Variants in PROM1 observed in about 807,000 individuals in gnomAD.
PROM1 encodes the protein prominin 1.
PROM1 carries 105 observed loss-of-function variants against 116.9 expected under a neutral mutation model. The ratio of observed to expected loss-of-function variants is 0.90; its 90% CI spans 0.77 to 1.06. The LOEUF (loss-of-function observed/expected upper bound fraction) is 1.06, where lower values mean the gene tolerates loss of function less well. Among genes scored for constraint, PROM1 ranks in the 50% least tolerant of loss-of-function variants. The pLI, the probability that PROM1 is intolerant of heterozygous loss-of-function variation, is 0.00. For synonymous variants in PROM1, 393 were observed against 387.0 expected, an observed-to-expected ratio of 1.02 and a Z score of -0.18; for missense variants, 1,122 against 1,045.2, an observed-to-expected ratio of 1.07 and a Z score of -1.01.
At chr4:15,997,993 T>G (rs1292946564) in intron 15 of PROM1, among the ~76,000 whole-genome samples, 4 of 152,348 alleles carry the variant, frequency 2.6e-5, no homozygotes, top group Non-Finnish European at 5.9e-5. Context: ...GCTCTCCAAC[T>G]GCATTGCCTT....
At chr4:15,971,356 AAG>A in intron 26 of PROM1, 2 of 393,884 alleles carry the variant, frequency 5.1e-6, no homozygotes, top group South Asian at 4.7e-5. Context: ...TAAAAGTGTT[AAG>A]AGTCACTAAG....
intron 2 of PROM1, among the ~76,000 whole-genome samples, chr4:16,070,875 G>A (rs143502102): frequency 1.3e-5 from 2 of 152,314 alleles, no homozygotes; most frequent in East Asian, 3.9e-4. Context: ...AGCAAGGACA[G>A]TTCAATGATC....
chr4:16,031,878 T>C (rs1732771035), intron 5 of PROM1, among the ~76,000 whole-genome samples: 1 of 152,216 alleles, frequency 6.6e-6, no homozygotes, highest in East Asian at 1.9e-4. Context: ...CTGGAGTAAG[T>C]GGTAATGCAT....
At chr4:15,985,212 A>G (rs974687883) in intron 22 of PROM1, among the ~76,000 whole-genome samples, 2 of 152,248 alleles carry the variant, frequency 1.3e-5, no homozygotes, top group African/African-American at 4.8e-5. Context: ...AGAGATTTAA[A>G]GCACACAGGA....
At chr4:16,001,855 C>A (rs1480031816) in intron 13 of PROM1, among the ~76,000 whole-genome samples, 2 of 151,984 alleles carry the variant, frequency 1.3e-5, no homozygotes, top group African/African-American at 4.8e-5. Context: ...AGGGAGAGAA[C>A]AGAGCCTGGT....
intron 9 of PROM1, 64 bp downstream of exon 9, chr4:16,018,259 C>G (rs1728902860): frequency 6.5e-7 from 1 of 1,536,878 alleles, no homozygotes; most frequent in African/African-American, 1.4e-5. Context: ...GTCACCCACG[C>G]TTAGCCCTGC....
intron 13 of PROM1, among the ~76,000 whole-genome samples, chr4:16,004,884 T>C (rs571247001): frequency 7.7e-6 from 1 of 129,428 alleles, no homozygotes; most frequent in Admixed American, 7.7e-5. Context: ...TCTCTCTCTC[T>C]CTCCCTCCCC....
At chr4:16,018,237 T>C in intron 9 of PROM1, 86 bp downstream of exon 9, 3 of 1,282,906 alleles carry the variant, frequency 2.3e-6, no homozygotes, top group South Asian at 1.3e-5. Flanking sequence ...CAGGCCACCA[T>C]GCACTGGATA....
rs148337933 is a variant in PROM1 at position 15,974,753 on chromosome 4, G to A, written c.2583-3671C>T. ...CCCAAGGTGCTGGGATTAAAGGCGT[G>A]AGCCACCGCATCAGCCAGAGTCTTT... is the stretch of plus-strand genomic sequence containing the variant. On this transcript the variant is annotated intron_variant, in intron 26 of 27. Coordinates refer to ENST00000447510, the MANE Select transcript of PROM1 (RefSeq NM_006017.3). Among the ~76,000 whole-genome samples the A allele has an allele frequency of 1.3e-4, 20 of 152,214 alleles. No homozygotes were observed. The East Asian group carries it at 3.7e-3, about 28-fold the overall frequency.
At chr4:15,985,185 T>C (rs1719014971) in intron 22 of PROM1, among the ~76,000 whole-genome samples, 1 of 152,194 alleles carries the variant, frequency 6.6e-6, no homozygotes, top group Admixed American at 6.5e-5. Context: ...TTGTATTAGG[T>C]ATTATAAGTA....
chr4:16,075,488 AT>A (rs1364092936), intron 2 of PROM1, among the ~76,000 whole-genome samples, 198 bp downstream of exon 2: 1 of 152,236 alleles, frequency 6.6e-6, no homozygotes, highest in African/African-American at 2.4e-5. Context: ...GTTTGCTTCC[AT>A]TTCTTATAAT....
At chr4:16,063,925 T>C (rs979244475) in intron 2 of PROM1, among the ~76,000 whole-genome samples, 1 of 152,038 alleles carries the variant, frequency 6.6e-6, no homozygotes, top group Non-Finnish European at 1.5e-5. Flanking sequence ...TGGTAATGAG[T>C]TGAAAGTTGT....
intron 2 of PROM1, among the ~76,000 whole-genome samples, chr4:16,073,737 T>C (rs1743329479): frequency 6.6e-6 from 1 of 152,242 alleles, no homozygotes; most frequent in Non-Finnish European, 1.5e-5. Flanking sequence ...ACATTAGGAT[T>C]ACAATTCTTC....
intron 2 of PROM1, among the ~76,000 whole-genome samples, chr4:16,063,333 C>G (rs542982188): frequency 6.6e-6 from 1 of 152,208 alleles, no homozygotes; most frequent in Non-Finnish European, 1.5e-5. Flanking sequence ...CGCAGTGGCT[C>G]ACGACTGTAA....
At chr4:16,001,568 A>T (rs1723857258) in intron 13 of PROM1, among the ~76,000 whole-genome samples, 1 of 152,158 alleles carries the variant, frequency 6.6e-6, no homozygotes, top group South Asian at 2.1e-4. Flanking sequence ...TGTGGGTGTG[A>T]TGCCACCTAG....
In PROM1 at chr4:15,998,430, A is replaced by G; in HGVS notation, c.1637T>C (p.Leu546Pro). ...EDWEYYLSGK[L>P]FNKSKMKLTF... ...GAGCTTCATTTTTGATTTATTAAAT[A>G]GCTTCCCAGAGAGATAGTATTCCCA... Residue 546 changes from leucine to proline, a missense_variant, in exon 15 of 28, where the codon CTA becomes CCA. Leu to Pro is a moderately conservative substitution (Grantham distance 98). Coordinates refer to ENST00000447510, the MANE Select transcript of PROM1 (RefSeq NM_006017.3). 6.2e-7 allele frequency: 1 copy of G among 1,609,426 alleles called. No homozygotes were observed. The highest frequency in any genetic ancestry group is 1.1e-5 in the South Asian group (1 of 89,420).
chr4:16,005,295 A>G (rs1181749150), intron 13 of PROM1, among the ~76,000 whole-genome samples: 1 of 152,114 alleles, frequency 6.6e-6, no homozygotes, highest in Non-Finnish European at 1.5e-5. Context: ...GCCTGTGAGC[A>G]TCTAAGCTTC....
intron 2 of PROM1, among the ~76,000 whole-genome samples, chr4:16,056,937 C>G (rs1739179534): frequency 6.6e-6 from 1 of 152,226 alleles, no homozygotes; most frequent in African/African-American, 2.4e-5. Flanking sequence ...GAAATACACT[C>G]TCACACGAGA....
chr4:16,038,932 C>A lies in PROM1; in HGVS notation c.276+14G>T. Reference sequence around the variant, plus strand: ...TTCGTATTTTTAATAATAAATACACCAATGAAAAATTACCTTGTCATAATC... The same window carrying A: ...TTCGTATTTTTAATAATAAATACACAAATGAAAAATTACCTTGTCATAATC... On this transcript the variant is annotated intron_variant, in intron 3 of 27. Transcript: ENST00000447510. The A allele has an allele frequency of 6.8e-7, 1 of 1,460,254 alleles. No homozygotes were observed. The highest frequency in any genetic ancestry group is 9.1e-7 in the Non-Finnish European group (1 of 1,103,420). 90.5% of individuals were successfully genotyped at this position (1,460,254 alleles called of 1,614,324 possible).
Sources: gnomAD v4.1 joint callset for allele counts (sites outside exome capture counted in the v4.1 genomes callset) on GRCh38, gnomAD v4.1.1 for gene constraint, MANE v1.5 for transcripts, NCBI Gene and HGNC (gene_info 2026-07-23, HGNC 2026-07-21) for gene names.